CRB1: variants seen among roughly 807,000 people sequenced by gnomAD.
The protein encoded by CRB1 is crumbs cell polarity complex component 1.
Under a neutral mutation model 120.0 loss-of-function variants are expected in CRB1, and 83 were observed. The observed-to-expected ratio is 0.69, with a 90% CI of 0.58 to 0.83. CRB1 has a LOEUF of 0.83. Among genes scored for constraint, CRB1 ranks in the 40% least tolerant of loss-of-function variants. The pLI, the probability that CRB1 is intolerant of heterozygous loss-of-function variation, is 0.00. For missense variants in CRB1, 1,699 were observed against 1,687.6 expected (o/e 1.01, Z -0.12); for synonymous variants, 625 against 612.5 (o/e 1.02, Z -0.30).
At chr1:197,449,660 C>G (rs1431391828) in intron 11 of CRB1, among the ~76,000 whole-genome samples, 1 of 152,222 alleles carries the variant, frequency 6.6e-6, no homozygotes, top group East Asian at 1.9e-4. Flanking sequence ...GCCACCACGC[C>G]TGGCCCAGAA....
chr1:197,383,446 A>G (rs370387003), intron 5 of CRB1, among the ~76,000 whole-genome samples: 13 of 152,204 alleles, frequency 8.5e-5, no homozygotes, highest in East Asian at 5.8e-4. Context: ...CTGGTCCTGA[A>G]GCAAGAATTA....
At chr1:197,244,139 CTG>C in the CRB1 span, among the ~76,000 whole-genome samples, 1 of 152,138 alleles carries the variant, frequency 6.6e-6, no homozygotes, top group Non-Finnish European at 1.5e-5. Flanking sequence ...ATTTGCCAGT[CTG>C]TGTCTTTTAA....
the CRB1 span, among the ~76,000 whole-genome samples, chr1:197,247,176 T>C: frequency 6.6e-6 from 1 of 152,018 alleles, no homozygotes; most frequent in South Asian, 2.1e-4. Context: ...TAGTGCAAAA[T>C]TTTTTACTCA....
intron 5 of CRB1, among the ~76,000 whole-genome samples, chr1:197,369,502 A>G (rs1246536046): frequency 6.6e-6 from 1 of 152,122 alleles, no homozygotes; most frequent in Non-Finnish European, 1.5e-5. Context: ...TCCCTTTCTC[A>G]AAAGAGGTTT....
chr1:197,352,080 C>T (rs1448452157), intron 4 of CRB1, among the ~76,000 whole-genome samples: 1 of 152,142 alleles, frequency 6.6e-6, no homozygotes, highest in African/African-American at 2.4e-5. Flanking sequence ...TAAATGCTTA[C>T]TTTCAAAGAT....
chr1:197,315,159 G>A (rs1172446595), intron 1 of CRB1, among the ~76,000 whole-genome samples: 2 of 152,230 alleles, frequency 1.3e-5, no homozygotes, highest in African/African-American at 4.8e-5. Flanking sequence ...ACAGTGCTCA[G>A]TTCCCAAAAA....
chr1:197,435,122 A>G lies in CRB1; in HGVS notation c.3259A>G (p.Ile1087Val), dbSNP rs1665080009. The G allele has an allele frequency of 6.2e-7, 1 of 1,613,828 alleles. No homozygotes were observed. The highest frequency in any genetic ancestry group is 1.3e-5 in the African/African-American group (1 of 74,912). The change falls in exon 9 of 12, where the codon ATT becomes GTT. Residue 1087 changes from isoleucine (I) to valine (V), a missense_variant. By Grantham distance (29) the Ile-to-Val change is conservative (BLOSUM62 3). Transcript: ENST00000367400. ...NTDIYVGDRAIDNIKGLQGCL... is the reference protein window; with the variant it reads ...NTDIYVGDRAVDNIKGLQGCL... ...AGATATTTATGTGGGAGACAGAGCT[A>G]TTGACAATATAAAGGGCCTGCAAGG...
At chr1:197,428,128 T>C (rs1664694229) in intron 7 of CRB1, 127 bp downstream of exon 7, 1 of 822,786 alleles carries the variant, frequency 1.2e-6, no homozygotes, top group Non-Finnish European at 1.9e-6. Flanking sequence ...TATAGAATAA[T>C]ATTTCATCTA....
chr1:197,301,907 T>C (rs1316647875), intron 1 of CRB1, among the ~76,000 whole-genome samples: 1 of 152,114 alleles, frequency 6.6e-6, no homozygotes, highest in African/African-American at 2.4e-5. Flanking sequence ...AAAAGAATTT[T>C]GTGAAATGAA....
the CRB1 span, among the ~76,000 whole-genome samples, chr1:197,242,320 A>G: frequency 6.6e-6 from 1 of 152,178 alleles, no homozygotes; most frequent in Non-Finnish European, 1.5e-5. Context: ...GTTTTGTCAT[A>G]TATAGCTCTT....
intron 5 of CRB1, among the ~76,000 whole-genome samples, chr1:197,389,736 G>T (rs1280896467): frequency 1.3e-5 from 2 of 152,000 alleles, no homozygotes; most frequent in Non-Finnish European, 2.9e-5. Context: ...AGGGCTATTG[G>T]TTTCAGTTCA....
intron 4 of CRB1, among the ~76,000 whole-genome samples, chr1:197,348,073 G>A (rs919852332): frequency 6.6e-6 from 1 of 152,166 alleles, no homozygotes; most frequent in Non-Finnish European, 1.5e-5. Flanking sequence ...CTGACATACA[G>A]CTTTGCATTG....
chr1:197,430,906 TA>T (rs951359328), intron 8 of CRB1, among the ~76,000 whole-genome samples: 3 of 151,366 alleles, frequency 2.0e-5, no homozygotes, highest in Non-Finnish European at 4.4e-5. Context: ...CAGCTTACTA[TA>T]AAAAAAATAC....
intron 5 of CRB1, among the ~76,000 whole-genome samples, chr1:197,384,580 G>C (rs991372214): frequency 6.6e-6 from 1 of 152,038 alleles, no homozygotes; most frequent in Non-Finnish European, 1.5e-5. Flanking sequence ...TTTAGTCTTT[G>C]CTTGAAGTTA....
the CRB1 span, among the ~76,000 whole-genome samples, chr1:197,233,642 C>T: frequency 3.9e-5 from 6 of 152,186 alleles, no homozygotes; most frequent in Non-Finnish European, 5.9e-5. Flanking sequence ...GATTGGTCAA[C>T]GATGTATCAA....
At chr1:197,353,651 A>T (rs898151388) in intron 4 of CRB1, among the ~76,000 whole-genome samples, 1 of 151,878 alleles carries the variant, frequency 6.6e-6, no homozygotes, top group African/African-American at 2.4e-5. Context: ...ACATGCAAAA[A>T]TTAGCCGGGC....
chr1:197,313,199 C>T (rs1283102959), intron 1 of CRB1, among the ~76,000 whole-genome samples: 3 of 152,158 alleles, frequency 2.0e-5, no homozygotes, highest in Non-Finnish European at 4.4e-5. Flanking sequence ...TGTGAGCACT[C>T]ACTCACTATC....
At chr1:197,286,405 G>C (rs906498647) in intron 1 of CRB1, among the ~76,000 whole-genome samples, 18 of 152,046 alleles carry the variant, frequency 1.2e-4, no homozygotes, top group African/African-American at 4.1e-4. Flanking sequence ...AGTTGGCAAA[G>C]TAAGTGACAG....
chr1:197,291,554 G>A (rs1415848325), intron 1 of CRB1, among the ~76,000 whole-genome samples: 2 of 151,718 alleles, frequency 1.3e-5, no homozygotes, highest in Non-Finnish European at 2.9e-5. Context: ...AAAAATTCAT[G>A]ACACTGTTGG....
Sources: gnomAD v4.1 joint callset for allele counts (sites outside exome capture counted in the v4.1 genomes callset) on GRCh38, gnomAD v4.1.1 for gene constraint, MANE v1.5 for transcripts, NCBI Gene and HGNC (gene_info 2026-07-23, HGNC 2026-07-21) for gene names.